Variants in FAM90A20 observed in about 807,000 individuals in gnomAD.
FAM90A20 encodes the protein family with sequence similarity 90 member A20, also known as protein FAM90A20.
At chr8:7,296,036 G>A in the FAM90A20 span, among the ~76,000 whole-genome samples, 1 of 129,604 alleles carries the variant, frequency 7.7e-6, no homozygotes, top group Admixed American at 7.0e-5. Flanking sequence ...GAGAGGCGGG[G>A]GCGCTTCATG....
At chr8:7,296,522 C>T in the FAM90A20 span, 2 of 630,442 alleles carry the variant, frequency 3.2e-6, no homozygotes, top group African/African-American at 2.7e-5. Context: ...GGGGTCAGGG[C>T]CTCCACGATC....
At chr8:7,295,908 T>G in the FAM90A20 span, 1 of 535,686 alleles carries the variant, frequency 1.9e-6, no homozygotes, top group Non-Finnish European at 3.3e-6. Context: ...CTGCACACCG[T>G]GTGCCTTTCC....
the FAM90A20 span, chr8:7,297,396 C>G: frequency 2.6e-6 from 4 of 1,533,916 alleles, no homozygotes; most frequent in Middle Eastern, 2.3e-4. Context: ...GCCGTCAGAA[C>G]CCAGGCACAA....
the FAM90A20 span, chr8:7,297,636 C>G: frequency 7.1e-7 from 1 of 1,408,526 alleles, no homozygotes; most frequent in Non-Finnish European, 9.7e-7. Context: ...CCTCCACCAG[C>G]CGCAACCGAA....
At chr8:7,296,969 C>T in the FAM90A20 span, 8 of 1,125,738 alleles carry the variant, frequency 7.1e-6, 1 homozygote, top group East Asian at 5.1e-5. Flanking sequence ...CTAAGAATTT[C>T]ATGGTGTGTG....
the FAM90A20 span, chr8:7,297,551 C>T: frequency 6.6e-6 from 10 of 1,521,092 alleles, 1 homozygote; most frequent in Non-Finnish European, 8.9e-6. Flanking sequence ...CCCCAAGAAA[C>T]CGAGACTGGG....
the FAM90A20 span, among the ~76,000 whole-genome samples, chr8:7,296,078 G>A: frequency 7.6e-6 from 1 of 130,732 alleles, no homozygotes; most frequent in Non-Finnish European, 1.5e-5. Flanking sequence ...AAAAGCAATG[G>A]AATCCAAATC....
At chr8:7,296,768 C>A in the FAM90A20 span, among the ~76,000 whole-genome samples, 5 of 136,046 alleles carry the variant, frequency 3.7e-5, no homozygotes, top group East Asian at 1.0e-3. Context: ...GCCATTAGTC[C>A]GTTCCACTTC....
chr8:7,297,038 C>G, the FAM90A20 span: 6 of 1,471,640 alleles, frequency 4.1e-6, 1 homozygote, highest in Admixed American at 5.8e-5. Context: ...GAACTTCTAA[C>G]CTGTGTTGTT....
chr8:7,298,021 G>A, the FAM90A20 span: 1 of 662,184 alleles, frequency 1.5e-6, no homozygotes, highest in Non-Finnish European at 2.5e-6. Context: ...CTGACCTGGA[G>A]TGAGACTGCA....
At chr8:7,297,404 C>G in the FAM90A20 span, 21 of 1,544,452 alleles carry the variant, frequency 1.4e-5, 1 homozygote, top group Admixed American at 2.2e-4. Context: ...AACCCAGGCA[C>G]AAGACAAACG....
At chr8:7,296,100 T>G in the FAM90A20 span, among the ~76,000 whole-genome samples, 1 of 130,342 alleles carries the variant, frequency 7.7e-6, no homozygotes, top group African/African-American at 4.1e-5. Context: ...CAGTCCTTAG[T>G]TGGGAAGCCT....
the FAM90A20 span, chr8:7,296,374 A>T: frequency 1.2e-5 from 9 of 744,792 alleles, 1 homozygote; most frequent in Non-Finnish European, 1.7e-5. Context: ...AAAAGGATCC[A>T]CGGAATCTTC....
the FAM90A20 span, chr8:7,297,608 G>C: frequency 1.4e-6 from 2 of 1,454,626 alleles, no homozygotes; most frequent in Admixed American, 3.5e-5. Context: ...TGAGCTGGGG[G>C]CCCCGGAGAA....
chr8:7,295,769 G>T, the FAM90A20 span: 20 of 1,306,726 alleles, frequency 1.5e-5, 1 homozygote, highest in Non-Finnish European at 2.1e-5. Flanking sequence ...ATGGAAGCCT[G>T]GGGTTGAAGC....
At chr8:7,296,359 A>T in the FAM90A20 span, 1 of 746,786 alleles carries the variant, frequency 1.3e-6, no homozygotes, top group East Asian at 2.5e-5. Flanking sequence ...GCCGCTGCCG[A>T]ATGGAAAAGG....
the FAM90A20 span, chr8:7,297,409 C>G: frequency 1.9e-6 from 3 of 1,548,574 alleles, no homozygotes; most frequent in African/African-American, 1.9e-5. Context: ...AGGCACAAGA[C>G]AAACGTCCTG....
At chr8:7,296,706 G>T in the FAM90A20 span, among the ~76,000 whole-genome samples, 1 of 135,712 alleles carries the variant, frequency 7.4e-6, no homozygotes, top group Non-Finnish European at 1.5e-5. Context: ...ACATGCATGT[G>T]TTCATAGAAG....
the FAM90A20 span, chr8:7,297,858 CG>C: frequency 1.2e-6 from 1 of 841,120 alleles, no homozygotes; most frequent in East Asian, 2.6e-5. Flanking sequence ...AGCCTCCTGG[CG>C]GCCCCCTCAT....
Sources: gnomAD v4.1 joint callset for allele counts (sites outside exome capture counted in the v4.1 genomes callset) on GRCh38, gnomAD v4.1.1 for gene constraint, MANE v1.5 for transcripts, NCBI Gene and HGNC (gene_info 2026-07-23, HGNC 2026-07-21) for gene names.